The following PIGA variants were observed in gnomAD, a reference collection of about 807,000 sequenced individuals.
The protein encoded by PIGA is phosphatidylinositol glycan anchor biosynthesis class A, also known as phosphatidylinositol N-acetylglucosaminyltransferase subunit A.
In PIGA, 3 loss-of-function variants were observed where a neutral mutation model predicts 17.1. The ratio of observed to expected loss-of-function variants is 0.18; its 90% CI spans 0.08 to 0.45. The LOEUF (loss-of-function observed/expected upper bound fraction) is 0.45, where lower values mean the gene tolerates loss of function less well. Among genes scored for constraint, PIGA ranks in the 20% least tolerant of loss-of-function variants. PIGA has a pLI of 0.99. For synonymous variants in PIGA, 126 were observed against 135.1 expected (o/e 0.93, Z 0.47); for missense variants, 231 against 374.1 (o/e 0.62, Z 3.16).
At chrX:15,330,946 T>C (rs978703069) in intron 2 of PIGA, 11 of 248,503 alleles carry the variant, frequency 4.4e-5, no homozygotes, top group South Asian at 1.6e-4. Context: ...TTTTAATTTT[T>C]AAAAAGATCT....
At position 15,321,593 on chromosome X, in the gene PIGA, A is replaced by G. The variant is rs761116405; in HGVS notation, c.1368T>C (p.Asp456=). Reference sequence around the variant, plus strand: ...TCCAGGCACCCCGTGGCCCAGTGGCATCTATTGCAACATCAATGATAGAAT... The same window carrying G: ...TCCAGGCACCCCGTGGCCCAGTGGCGTCTATTGCAACATCAATGATAGAAT... ...TPDSIIDVAI[D]ATGPRGAWTN... The change falls in exon 6 of 6, where the codon GAT becomes GAC. Residue 456 remains aspartate (D), a synonymous_variant. Coordinates refer to ENST00000333590, the MANE Select transcript of PIGA (RefSeq NM_002641.4). 1 of 1,205,940 alleles carries G rather than the reference A, an allele frequency of 8.3e-7. No homozygotes were observed. The highest frequency in any genetic ancestry group is 2.2e-5 in the Admixed American group (1 of 45,798).
In PIGA at chrX:15,335,493, G is replaced by A. The variant is rs188913202; in HGVS notation, c.-63+8C>T. ...GCGCTGGAGAGGGGCGGCGCGACGC[G>A]CACTCACCGGTGAGTTCCATGGCCG... On this transcript the variant is annotated splice_region_variant and intron_variant, in intron 1 of 5. Transcript: ENST00000333590. The A allele has an allele frequency of 5.3e-5, 52 of 982,176 alleles. No individual in the cohort carries two copies. Among genetic ancestry groups the A allele is most frequent in the East Asian group, 1.2e-4 (3 of 24,252 alleles). The allele number at this position is 982,176 out of a possible 1,213,427, so 80.9% of individuals were successfully genotyped here.
rs1379554129 is a variant in PIGA, at chrX:15,320,009, ATAGTT to A, written c.*1492_*1496del. The A allele has an allele frequency of 1.8e-5, 2 of 112,546 alleles. No individual in the cohort carries two copies. Among genetic ancestry groups the A allele is most frequent in the Non-Finnish European group, 3.7e-5 (2 of 53,335 alleles). The allele number at this position is 112,546 out of a possible 1,213,427, so 9.3% of individuals were successfully genotyped here. On this transcript the variant is annotated 3_prime_UTR_variant, in exon 6 of 6. Transcript: ENST00000333590. ...TGCATAAAAATCCCAGTAAGACTGA[ATAGTT>A]TAAAGATCAGTCCATTTTTCTCCAA... is the stretch of plus-strand genomic sequence containing the variant.
intron 2 of PIGA, among the ~76,000 whole-genome samples, chrX:15,330,608 T>A (rs1922125447): frequency 8.9e-6 from 1 of 111,885 alleles, no homozygotes; most frequent in South Asian, 3.7e-4. Flanking sequence ...TTTACTTCTT[T>A]TTTTTTTCTT....
intron 1 of PIGA, among the ~76,000 whole-genome samples, chrX:15,333,447 G>A (rs1922227152): frequency 1.8e-5 from 2 of 111,976 alleles, no homozygotes; most frequent in South Asian, 7.5e-4. Flanking sequence ...TTGGGAGGCT[G>A]AGGTGGGTGG....
At chrX:15,330,775 TG>T (rs1922131524) in intron 2 of PIGA, 1 of 114,141 alleles carries the variant, frequency 8.8e-6, no homozygotes, top group Admixed American at 9.0e-5. Flanking sequence ...GCTAATTTTT[TG>T]TATTTTTAGT....
chrX:15,326,189 A>G (rs1921966890), intron 2 of PIGA, 143 bp from the exon 3 acceptor site: 1 of 361,909 alleles, frequency 2.8e-6, no homozygotes, highest in African/African-American at 2.7e-5. Flanking sequence ...CTTTTCCAGG[A>G]GTGGAATTGT....
At chrX:15,335,099 G>A (rs1374808739) in intron 1 of PIGA, among the ~76,000 whole-genome samples, 4 of 112,348 alleles carry the variant, frequency 3.6e-5, no homozygotes, top group Non-Finnish European at 7.5e-5. Flanking sequence ...CCTGGGCACT[G>A]TCTGAGCTTC....
At chrX:15,334,759 C>G (rs1431587011) in intron 1 of PIGA, among the ~76,000 whole-genome samples, 1 of 112,057 alleles carries the variant, frequency 8.9e-6, no homozygotes, top group African/African-American at 3.2e-5. Context: ...TGTGAGGAGT[C>G]TGCCCACTTC....
chrX:15,324,476 A>G (rs1166271938), intron 5 of PIGA, among the ~76,000 whole-genome samples, 189 bp downstream of exon 5: 5 of 112,498 alleles, frequency 4.4e-5, no homozygotes, highest in Non-Finnish European at 7.5e-5. Flanking sequence ...TCAAATGTCA[A>G]ACGCAATAAT....
chrX:15,331,023 G>C (rs370809093), intron 2 of PIGA, 193 bp downstream of exon 2: 10 of 388,362 alleles, frequency 2.6e-5, no homozygotes, highest in African/African-American at 2.3e-4. Flanking sequence ...TTGGGGGACA[G>C]CATTCACCAC....
At position 15,321,570 on chromosome X, in the gene PIGA, C is replaced by G. The variant is rs766602742; in HGVS notation, c.1391G>C (p.Trp464Ser). The part of the protein sequence containing the change: ...AIDATGPRGA[W>S]TNNYSHSKRG... ...TTTACTGTGAGAATAGTTATTAGTC[C>G]AGGCACCCCGTGGCCCAGTGGCATC... The change falls in exon 6 of 6, where the codon TGG becomes TCG. Residue 464 changes from tryptophan (W) to serine (S), a missense_variant. Around this residue, in one of 5 missense-constraint regions of PIGA, gnomAD observed 88 missense variants for 100.5 expected, o/e 0.88. Transcript: ENST00000333590. 3.3e-6 allele frequency: 4 copies of G among 1,204,571 alleles called. No homozygotes were observed. The highest frequency in any genetic ancestry group is 4.5e-6 in the Non-Finnish European group (4 of 888,882).
chrX:15,322,288 C>A (rs1452387562), intron 5 of PIGA, among the ~76,000 whole-genome samples: 2 of 111,880 alleles, frequency 1.8e-5, no homozygotes, highest in Non-Finnish European at 3.8e-5. Context: ...AACACAGAGC[C>A]TCCTCTTTCA....
intron 5 of PIGA, among the ~76,000 whole-genome samples, chrX:15,324,194 C>G (rs1921900664): frequency 8.9e-6 from 1 of 112,189 alleles, no homozygotes; most frequent in Non-Finnish European, 1.9e-5. Context: ...AAATCCTTTT[C>G]CTGGAGAAAA....
chrX:15,325,284 T>C (rs1921937795), intron 3 of PIGA, 132 bp from the exon 4 acceptor site: 1 of 487,079 alleles, frequency 2.1e-6, no homozygotes, highest in African/African-American at 2.6e-5. Flanking sequence ...CACCTCAAGA[T>C]TAGTATCACC....
chrX:15,328,281 A>T (rs1326698607), intron 2 of PIGA: 1 of 112,142 alleles, frequency 8.9e-6, no homozygotes, highest in Non-Finnish European at 1.9e-5. Flanking sequence ...GGAGGGTCAA[A>T]TGAGGTATTG....
At chrX:15,330,791 A>G (rs1276315759) in intron 2 of PIGA, 1 of 114,567 alleles carries the variant, frequency 8.7e-6, no homozygotes, top group South Asian at 3.4e-4. Context: ...TTTAGTTGAG[A>G]CAGGGTTTCA....
chrX:15,331,892 G>C lies in PIGA; in HGVS notation c.39C>G (p.Ala13=). ...CRGGAGNGHR[A]SATLSRVSPG... is the part of the protein sequence containing the mutation. The stretch of plus-strand genomic sequence containing the variant: ...GGCTAACCCGAGAGAGTGTAGCTGA[G>C]GCACGGTGGCCATTCCCAGCTCCTC... The change falls in exon 2 of 6, where the codon GCC becomes GCG. Residue 13 remains alanine, a synonymous_variant. Transcript: ENST00000333590. 1 of 1,208,078 alleles carries C rather than the reference G, an allele frequency of 8.3e-7. No individual in the cohort carries two copies. Among genetic ancestry groups the C allele is most frequent in the Non-Finnish European group, 1.1e-6 (1 of 892,935 alleles).
chrX:15,330,222 C>T (rs1220166597), intron 2 of PIGA, among the ~76,000 whole-genome samples: 2 of 112,052 alleles, frequency 1.8e-5, no homozygotes, highest in East Asian at 2.8e-4. Flanking sequence ...AAAACTGAGA[C>T]TTAGAGATGT....
Sources: gnomAD v4.1 joint callset for allele counts (sites outside exome capture counted in the v4.1 genomes callset) on GRCh38, gnomAD v4.1.1 for gene constraint, gnomAD v4.1.1 regional missense constraint, MANE v1.5 for transcripts, NCBI Gene and HGNC (gene_info 2026-07-23, HGNC 2026-07-21) for gene names.